USH2A: variants seen among roughly 807,000 people sequenced by gnomAD.
USH2A encodes usherin, also known as Usher syndrome 2A (autosomal recessive, mild).
A neutral mutation model predicts 538.9 loss-of-function variants in USH2A; 443 were observed. The observed-to-expected ratio is 0.82, with a 90% CI of 0.76 to 0.89. USH2A has a LOEUF of 0.89. Ranked by LOEUF, USH2A falls within the 40% of genes least tolerant of loss-of-function variation. USH2A has a pLI of 0.00. For missense variants in USH2A, 6,633 were observed against 6,324.8 expected (o/e 1.05, Z -1.65); for synonymous variants, 2,413 against 2,273.5 (o/e 1.06, Z -1.75).
intron 21 of USH2A, among the ~76,000 whole-genome samples, chr1:216,173,056 A>G (rs1328423359): frequency 6.6e-6 from 1 of 152,160 alleles, no homozygotes; most frequent in East Asian, 1.9e-4. Flanking sequence ...AAAAAGAGCT[A>G]CTTTATAGGG....
Position 216,417,934 on chromosome 1 carries a change from T to A in USH2A, c.651+580A>T, listed in dbSNP as rs1558079851. 2.6e-5 allele frequency among the ~76,000 whole-genome samples: 4 copies of A among 152,228 alleles called. No homozygotes were observed. The South Asian group carries it at 6.2e-4, about 24-fold the overall frequency. On this transcript the variant is annotated intron_variant, in intron 3 of 71. Transcript: ENST00000307340. ...TGAACTGTGCCTCTCTTCTGGAGAC[T>A]GTAAATACCAGACATGTCACAGCTC...
chr1:216,341,997 G>T (rs541396133), intron 4 of USH2A, among the ~76,000 whole-genome samples: 1 of 152,180 alleles, frequency 6.6e-6, no homozygotes, highest in East Asian at 1.9e-4. Context: ...TTGCCAAATG[G>T]GATCTAATTA....
At chr1:215,746,045 C>A (rs371421028) in intron 58 of USH2A, among the ~76,000 whole-genome samples, 1 of 148,868 alleles carries the variant, frequency 6.7e-6, no homozygotes, top group African/African-American at 2.4e-5. Context: ...AACATAGTAC[C>A]GTAGGTCCTC....
At chr1:215,763,271 T>C (rs780168518) in intron 56 of USH2A, among the ~76,000 whole-genome samples, 2 of 152,180 alleles carry the variant, frequency 1.3e-5, no homozygotes, top group African/African-American at 4.8e-5. Context: ...TCCAGTATGA[T>C]ACATGCTTTA....
chr1:215,929,791 G>A (rs1255572755), intron 38 of USH2A, among the ~76,000 whole-genome samples: 1 of 152,038 alleles, frequency 6.6e-6, no homozygotes, highest in Non-Finnish European at 1.5e-5. Flanking sequence ...CACTCAAGCA[G>A]TGAGTGAAAG....
intron 21 of USH2A, among the ~76,000 whole-genome samples, chr1:216,135,981 G>A (rs1279629940): frequency 6.6e-6 from 1 of 151,920 alleles, no homozygotes; most frequent in Non-Finnish European, 1.5e-5. Flanking sequence ...ACCATCTTAA[G>A]TATTTTATGT....
chr1:215,746,268 T>G (rs1038885363), intron 58 of USH2A, among the ~76,000 whole-genome samples: 2 of 151,882 alleles, frequency 1.3e-5, no homozygotes, highest in Admixed American at 1.3e-4. Flanking sequence ...CGAGTGTGGG[T>G]GTGTGTGTGT....
chr1:216,390,721 C>T (rs1013280488), intron 3 of USH2A, among the ~76,000 whole-genome samples: 25 of 152,144 alleles, frequency 1.6e-4, no homozygotes, highest in East Asian at 1.9e-4. Context: ...TATATTTCCT[C>T]GGTGTTCATA....
chr1:215,932,154 A>G (rs151270866), intron 38 of USH2A, among the ~76,000 whole-genome samples: 185 of 152,180 alleles, frequency 1.2e-3, no homozygotes, highest in African/African-American at 4.2e-3. Flanking sequence ...GGAATTCAAC[A>G]TCACCATAAG....
At chr1:216,337,116 T>A (rs1381548327) in intron 4 of USH2A, among the ~76,000 whole-genome samples, 1 of 151,462 alleles carries the variant, frequency 6.6e-6, no homozygotes, top group Admixed American at 6.6e-5. Flanking sequence ...TCTTAGGATA[T>A]GCATCAAAGT....
chr1:216,366,453 G>A (rs2038598905), intron 3 of USH2A, among the ~76,000 whole-genome samples: 1 of 152,010 alleles, frequency 6.6e-6, no homozygotes, highest in South Asian at 2.1e-4. Context: ...GTTTTGCTGT[G>A]AGCCTGAAAC....
chr1:215,993,192 A>C, intron 34 of USH2A, 25 bp from the exon 35 acceptor site: 1 of 1,614,048 alleles, frequency 6.2e-7, no homozygotes, highest in Non-Finnish European at 8.5e-7. Flanking sequence ...AAAAATGCTC[A>C]TTTCACTCTT....
chr1:216,173,531 T>C (rs761287176), intron 21 of USH2A, among the ~76,000 whole-genome samples: 1 of 152,178 alleles, frequency 6.6e-6, no homozygotes, highest in African/African-American at 2.4e-5. Flanking sequence ...GGCTTTGTTA[T>C]AGACAGAAGG....
In USH2A at chr1:215,889,194, C is replaced by T. The variant is rs987218694; in HGVS notation, c.7595-140G>A. 70 of 1,008,266 alleles carry T rather than the reference C, an allele frequency of 6.9e-5. No individual in the cohort carries two copies. In the African/African-American group the frequency reaches 8.6e-4, roughly 12 times the overall value. The allele number at this position is 1,008,266 out of a possible 1,614,324, so 62.5% of individuals were successfully genotyped here. Reference sequence around the variant, plus strand: ...AGGCCAATAAGTAAATAAATAAGTGCCATAAAGACAAGGACTGTGATTGCT... The same window carrying T: ...AGGCCAATAAGTAAATAAATAAGTGTCATAAAGACAAGGACTGTGATTGCT... On this transcript the variant is annotated intron_variant, in intron 40 of 71. Transcript: ENST00000307340.
At chr1:216,231,789 G>A (rs573184109) in intron 14 of USH2A, among the ~76,000 whole-genome samples, 164 bp downstream of exon 14, 11 of 152,066 alleles carry the variant, frequency 7.2e-5, no homozygotes, top group Non-Finnish European at 1.5e-4. Flanking sequence ...CTCGGACCTC[G>A]TGATCCGCCT....
At position 215,640,561 on chromosome 1, in the gene USH2A, T is replaced by C. The variant is rs770658506; in HGVS notation, c.14965A>G (p.Lys4989Glu). The change falls in exon 68 of 72, where the codon AAA becomes GAA. Residue 4989 changes from lysine (K) to glutamate (E), a missense_variant. Physicochemically the swap from Lys to Glu is moderately conservative, Grantham distance 56. Coordinates refer to ENST00000307340, the MANE Select transcript of USH2A (RefSeq NM_206933.4). The stretch of plus-strand genomic sequence containing the variant: ...GAAACAGGAGTCAGAAACTAACTTT[T>C]GTCCGCCGTTCTCGGTATGTAGAGG... ...TTLYIPRTADKTFFFQVICTT... is the reference protein window; with the variant it reads ...TTLYIPRTADETFFFQVICTT... The C allele has an allele frequency of 1.9e-6, 3 of 1,613,564 alleles. No individual in the cohort carries two copies. Among genetic ancestry groups the C allele is most frequent in the Non-Finnish European group, 2.5e-6 (3 of 1,179,962 alleles).
intron 34 of USH2A, among the ~76,000 whole-genome samples, chr1:215,996,464 CTTTAT>C (rs1174052247): frequency 6.9e-6 from 1 of 143,902 alleles, no homozygotes; most frequent in Non-Finnish European, 1.5e-5. Context: ...TTAATAGCTT[CTTTAT>C]TTTATTTTTA....
chr1:216,167,230 G>GC (rs1289113328), intron 21 of USH2A, among the ~76,000 whole-genome samples: 1 of 151,930 alleles, frequency 6.6e-6, no homozygotes. Context: ...GAGAAGCACC[G>GC]CCCCCCACAA....
chr1:215,990,323 C>T (rs1008107468), intron 35 of USH2A, among the ~76,000 whole-genome samples: 1 of 152,160 alleles, frequency 6.6e-6, no homozygotes, highest in African/African-American at 2.4e-5. Context: ...ATATTGCAGA[C>T]ACTGGATGGT....
Sources: allele counts gnomAD v4.1 joint callset (sites outside exome capture counted in the v4.1 genomes callset), GRCh38; gene constraint gnomAD v4.1.1; transcripts MANE v1.5; gene names NCBI Gene and HGNC (gene_info 2026-07-23, HGNC 2026-07-21).